NCS1: variants seen among roughly 807,000 people sequenced by gnomAD.
NCS1 encodes neuronal calcium sensor 1, also known as frequenin homolog.
NCS1 carries 6 observed loss-of-function variants against 28.4 expected under a neutral mutation model. The ratio of observed to expected loss-of-function variants is 0.21; its 90% CI spans 0.12 to 0.42. The LOEUF (loss-of-function observed/expected upper bound fraction) is 0.42. Among genes scored for constraint, NCS1 ranks in the 10% least tolerant of loss-of-function variants. The pLI is 1.00. For missense variants in NCS1, 131 were observed against 241.4 expected, an observed-to-expected ratio of 0.54 and a Z score of 3.03; for synonymous variants, 86 against 99.3, an observed-to-expected ratio of 0.87 and a Z score of 0.79.
In NCS1 at chr9:130,176,138, TTTTCTTTCTTTC is replaced by T. The variant is rs71387327; in HGVS notation, c.64+3459_64+3470del. ...ATCGTAATTAATGCTTATTTGTTCA[TTTTCTTTCTTTC>T]TTTCTTTCTTTCTTTCTTTCTTTCT... is the stretch of plus-strand genomic sequence containing the variant. On this transcript the variant is annotated intron_variant, in intron 1 of 7. Transcript: ENST00000372398. Among the ~76,000 whole-genome samples the T allele has an allele frequency of 9.0e-3, 917 of 102,244 alleles. 24 individuals carry two copies. Among genetic ancestry groups the T allele is most frequent in the Middle Eastern group, 0.017 (3 of 176 alleles). The allele number at this position is 102,244 out of a possible 152,430, so 67.1% of individuals were successfully genotyped here. A position where few individuals can be genotyped will look rare whatever the true frequency, so the allele number is the denominator to read the frequency against.
chr9:130,176,144 T>TTCTTTCTTTCTC, intron 1 of NCS1, among the ~76,000 whole-genome samples: 1 of 51,030 alleles, frequency 2.0e-5, no homozygotes, highest in Non-Finnish European at 3.4e-5. Context: ...TTCATTTTCT[T>TTCTTTCTTTCTC]TCTTTCTTTC....
rs1274560339 is a variant in NCS1 at position 130,177,809 on chromosome 9, G to C, written c.64+5082G>C. ...TGCAGTCCGGGGAGCGGGCCAGAAA[G>C]ACAAAGGGGTTGTTTGGCAGGAGAG... On this transcript the variant is annotated intron_variant, in intron 1 of 7. Transcript: ENST00000372398. The surrounding 1 kb of genome is among the most constrained non-coding windows in gnomAD (Gnocchi z 4.4). Among the ~76,000 whole-genome samples, 4 of 152,222 alleles carry C rather than the reference G, an allele frequency of 2.6e-5. No individual in the cohort carries two copies.
At chr9:130,221,395 T>TAGAGAGAG (rs1833290163) in intron 4 of NCS1, among the ~76,000 whole-genome samples, 1 of 64,942 alleles carries the variant, frequency 1.5e-5, no homozygotes, top group Non-Finnish European at 3.1e-5. Context: ...TATATATATA[T>TAGAGAGAG]ATATATATAT....
At position 130,192,012 on chromosome 9, in the gene NCS1, T is replaced by A. The variant is rs1832822532; in HGVS notation, c.65-8946T>A. 6.6e-6 allele frequency among the ~76,000 whole-genome samples: 1 copy of A among 152,134 alleles called. No homozygotes were observed. Among genetic ancestry groups the A allele is most frequent in the Non-Finnish European group, 1.5e-5 (1 of 68,010 alleles). On this transcript the variant is annotated intron_variant, in intron 1 of 7. Coordinates refer to ENST00000372398, the MANE Select transcript of NCS1 (RefSeq NM_014286.4). This position sits in a 1 kb window ranked among gnomAD's most constrained non-coding sequence, Gnocchi z 4.8. ...CGAGTGGGTCAGGGCGAGGGGCTCC[T>A]GCAGCGGCTTTGCTCAGCCAGGAGT...
At chr9:130,210,872 T>C (rs568397151) in intron 2 of NCS1, among the ~76,000 whole-genome samples, 1 of 150,952 alleles carries the variant, frequency 6.6e-6, no homozygotes, top group African/African-American at 2.4e-5. Context: ...AGGGTCTGGC[T>C]TTGTTGCCCA....
At chr9:130,224,383 C>T (rs1416005661) in intron 6 of NCS1, among the ~76,000 whole-genome samples, 4 of 124,884 alleles carry the variant, frequency 3.2e-5, no homozygotes, top group Non-Finnish European at 1.7e-5. Flanking sequence ...CAGAGTGAGA[C>T]GCAGTCTCAA....
intron 4 of NCS1, among the ~76,000 whole-genome samples, chr9:130,221,527 T>G (rs1833302473): frequency 6.9e-6 from 1 of 144,684 alleles, no homozygotes; most frequent in Non-Finnish European, 1.5e-5. Context: ...CTTCGCCTCC[T>G]GGGCTCAAGC....
intron 1 of NCS1, among the ~76,000 whole-genome samples, chr9:130,178,903 C>G (rs190759607): frequency 3.4e-5 from 1 of 29,220 alleles, no homozygotes; most frequent in African/African-American, 9.2e-5. Context: ...CCCCTGCCCT[C>G]CCCTCCCCTT....
At chr9:130,182,102 C>G (rs78456846) in intron 1 of NCS1, among the ~76,000 whole-genome samples, 2,177 of 152,128 alleles carry the variant, frequency 0.014, 28 homozygotes, top group Non-Finnish European at 0.018. Flanking sequence ...CCAGTGGGCA[C>G]TCGGGACCAG....
At position 130,231,390 on chromosome 9, in the gene NCS1, T is replaced by C. The variant is rs142228119; in HGVS notation, c.*18-1600T>C. Among the ~76,000 whole-genome samples, 10 of 152,134 alleles carry C rather than the reference T, an allele frequency of 6.6e-5. No individual in the cohort carries two copies. The East Asian group carries it at 1.9e-3, about 29-fold the overall frequency. On this transcript the variant is annotated intron_variant, in intron 7 of 7. Transcript: ENST00000372398. Reference sequence around the variant, plus strand: ...TTTAATTTTGTTTATTTTTTATGTATTTATTTTTTTGAGGTGGAGTCTCAC... The same window carrying C: ...TTTAATTTTGTTTATTTTTTATGTACTTATTTTTTTGAGGTGGAGTCTCAC...
intron 2 of NCS1, among the ~76,000 whole-genome samples, chr9:130,205,677 G>GAAA (rs797027203): frequency 1.6e-5 from 2 of 126,446 alleles, no homozygotes; most frequent in African/African-American, 5.9e-5. Context: ...CTCTACAAAA[G>GAAA]AAAAAAAAAA....
intron 1 of NCS1, among the ~76,000 whole-genome samples, chr9:130,198,984 T>C (rs550447373): frequency 5.8e-4 from 88 of 152,336 alleles, no homozygotes; most frequent in African/African-American, 2.0e-3. Context: ...AACCCGTTCC[T>C]GCCCCATACC....
chr9:130,183,102 C>T (rs1179911677), intron 1 of NCS1, among the ~76,000 whole-genome samples: 1 of 152,230 alleles, frequency 6.6e-6, no homozygotes, highest in Non-Finnish European at 1.5e-5. Flanking sequence ...CCCTGGTGAC[C>T]AGGACAGGAC....
At chr9:130,210,244 C>CA (rs1189148841) in intron 2 of NCS1, among the ~76,000 whole-genome samples, 4 of 151,922 alleles carry the variant, frequency 2.6e-5, no homozygotes, top group Non-Finnish European at 4.4e-5. Context: ...ACTAAAAATA[C>CA]AAAACTTAGC....
In NCS1 at chr9:130,219,566, C is replaced by T. The variant is rs1319551249; in HGVS notation, c.229-159C>T. The stretch of plus-strand genomic sequence containing the variant: ...GCCTCTGCTCCCCACCCTCTCCTTG[C>T]CTCTCGCCCCCCATTCCTTCGAGCC... On this transcript the variant is annotated intron_variant, in intron 3 of 7. Transcript: ENST00000372398. The surrounding 1 kb of genome is among the most constrained non-coding windows in gnomAD (Gnocchi z 5.7). 2.0e-5 allele frequency among the ~76,000 whole-genome samples: 3 copies of T among 151,692 alleles called. No homozygotes were observed. The highest frequency in any genetic ancestry group is 4.4e-5 in the Non-Finnish European group (3 of 67,914).
rs1223892459 is a variant in NCS1, at chr9:130,191,175, T to C, written c.65-9783T>C. ...TGACCCAGGCCACGTGGCGACTGGA[T>C]AGTTGGTAGACCCATCTGTGCAAAG... On this transcript the variant is annotated intron_variant, in intron 1 of 7. Transcript: ENST00000372398. This position sits in a 1 kb window ranked among gnomAD's most constrained non-coding sequence, Gnocchi z 6.4. Among the ~76,000 whole-genome samples the C allele has an allele frequency of 6.6e-6, 1 of 152,154 alleles. No individual in the cohort carries two copies. Among genetic ancestry groups the C allele is most frequent in the South Asian group, 2.1e-4 (1 of 4,824 alleles).
In NCS1 at chr9:130,189,434, G is replaced by C. The variant is rs538321680; in HGVS notation, c.65-11524G>C. ...CAATGTCTGACCTTGGCAGTGTTTG[G>C]GAAATGCTTGTGGAATGGGACTGAT... On this transcript the variant is annotated intron_variant, in intron 1 of 7. Transcript: ENST00000372398. Among the ~76,000 whole-genome samples, 7 of 152,252 alleles carry C rather than the reference G, an allele frequency of 4.6e-5. No homozygotes were observed. The South Asian group carries it at 1.0e-3, about 23-fold the overall frequency.
intron 2 of NCS1, among the ~76,000 whole-genome samples, chr9:130,206,462 G>T (rs1833025585): frequency 6.9e-6 from 1 of 144,406 alleles, no homozygotes; most frequent in South Asian, 2.2e-4. Flanking sequence ...AGGCTAGAGT[G>T]CAGTGGCACG....
In NCS1 at chr9:130,215,973, G is replaced by A. The variant is rs972018412; in HGVS notation, c.90-1859G>A. ...TCCTCCCCTCAACCGCCCTCACTCC[G>A]GCAGCAGCAGCCACAGTACTGGCAG... On this transcript the variant is annotated intron_variant, in intron 2 of 7. Transcript: ENST00000372398. The surrounding 1 kb of genome is among the most constrained non-coding windows in gnomAD (Gnocchi z 4.2). Among the ~76,000 whole-genome samples the A allele has an allele frequency of 3.3e-5, 5 of 152,098 alleles. No homozygotes were observed. The highest frequency in any genetic ancestry group is 7.2e-5 in the African/African-American group (3 of 41,404).
Sources: allele counts gnomAD v4.1 joint callset (sites outside exome capture counted in the v4.1 genomes callset), GRCh38; gene constraint gnomAD v4.1.1; non-coding constraint Gnocchi (gnomAD v3.1); transcripts MANE v1.5; gene names NCBI Gene and HGNC (gene_info 2026-07-23, HGNC 2026-07-21).